The following INPP5E variants were observed in gnomAD, a reference collection of about 807,000 sequenced individuals.
The protein encoded by INPP5E is inositol polyphosphate-5-phosphatase E.
In INPP5E, 34 loss-of-function variants were observed where a neutral mutation model predicts 50.5. The ratio of observed to expected loss-of-function variants is 0.67; its 90% CI spans 0.51 to 0.90. INPP5E has a LOEUF of 0.90. INPP5E is among the 40% of genes least tolerant of loss of function. The pLI, the probability that INPP5E is intolerant of heterozygous loss-of-function variation, is 0.00. For missense variants in INPP5E, 942 were observed against 905.5 expected, an observed-to-expected ratio of 1.04 and a Z score of -0.52; for synonymous variants, 447 against 406.0, an observed-to-expected ratio of 1.10 and a Z score of -1.21.
Position 136,430,377 on chromosome 9 carries a change from T to C in INPP5E, c.1702A>G (p.Ile568Val). 1 of 1,557,214 alleles carries C rather than the reference T, an allele frequency of 6.4e-7. No individual in the cohort carries two copies. Among genetic ancestry groups the C allele is most frequent in the South Asian group, 1.2e-5 (1 of 84,472 alleles). Residue 568 changes from isoleucine to valine, a missense_variant, in exon 9 of 10, where the codon ATC (isoleucine) becomes GTC (valine). By Grantham distance (29) the Ile-to-Val change is conservative. Transcript: ENST00000371712. ...VLYRSRHKGD[I>V]CPVSYSSCPG... ...CAGGAAGAGTAGCTCACAGGACAGA[T>C]GTCACCCTTGTGGCGGCTTCTGTAC...
In INPP5E at chr9:136,433,090, G is replaced by A; in HGVS notation, c.1160-15C>T. 6.2e-7 allele frequency: 1 copy of A among 1,612,730 alleles called. No individual in the cohort carries two copies. The highest frequency in any genetic ancestry group is 8.5e-7 in the Non-Finnish European group (1 of 1,179,964). ...GCACTCCACCTCTGTGGGAGGGGCAGCCCTCAGCTCACCTGTGGGACGCTG... is the reference window on the plus strand; with the variant it reads ...GCACTCCACCTCTGTGGGAGGGGCAACCCTCAGCTCACCTGTGGGACGCTG... On this transcript the variant is annotated splice_polypyrimidine_tract_variant and intron_variant, in intron 4 of 9. Coordinates refer to ENST00000371712, the MANE Select transcript of INPP5E (RefSeq NM_019892.6).
chr9:136,438,102 C>T (rs1308848208), intron 1 of INPP5E: 1 of 178,754 alleles, frequency 5.6e-6, no homozygotes. Flanking sequence ...CGGCGAAACC[C>T]CGCCCCTACT....
At chr9:136,432,334 G>A (rs1433431088) in intron 6 of INPP5E, 145 bp downstream of exon 6, 27 of 700,864 alleles carry the variant, frequency 3.9e-5, no homozygotes, top group Non-Finnish European at 6.7e-5. Context: ...AGAACCGCGA[G>A]GGGCCATGCG....
At chr9:136,432,052 C>G (rs1039491897) in intron 6 of INPP5E, 67 bp from the exon 7 acceptor site, 1 of 1,598,348 alleles carries the variant, frequency 6.3e-7, no homozygotes, top group Non-Finnish European at 8.6e-7. Context: ...TTCCCCAGAA[C>G]ATGGCCTGGG....
At chr9:136,438,408 C>G in intron 1 of INPP5E, 200 bp downstream of exon 1, 1 of 621,304 alleles carries the variant, frequency 1.6e-6, no homozygotes, top group Non-Finnish European at 2.9e-6. Flanking sequence ...ACGAATGGTT[C>G]TGAAACGCAC....
chr9:136,433,256 T>A lies in INPP5E; in HGVS notation c.1058A>T (p.Gln353Leu). Residue 353 changes from glutamine (Q) to leucine (L), a missense_variant, in exon 4 of 10, where the codon CAG (glutamine) becomes CTG (leucine). Coordinates refer to ENST00000371712, the MANE Select transcript of INPP5E (RefSeq NM_019892.6). Reference sequence around the variant, plus strand: ...CACATAGTGCGGGCCCAGCGTCTCCTGCAGACGAGTCTCCCACTCCCGCCT... The same window carrying A: ...CACATAGTGCGGGCCCAGCGTCTCCAGCAGACGAGTCTCCCACTCCCGCCT... ...SDRREWETRLQETLGPHYVLL... is the reference protein window; with the variant it reads ...SDRREWETRLLETLGPHYVLL... The A allele has an allele frequency of 6.3e-7, 1 of 1,587,094 alleles. No individual in the cohort carries two copies. The highest frequency in any genetic ancestry group is 8.5e-7 in the Non-Finnish European group (1 of 1,174,126).
At chr9:136,433,604 G>A (rs1290445642) in intron 3 of INPP5E, among the ~76,000 whole-genome samples, 1 of 152,136 alleles carries the variant, frequency 6.6e-6, no homozygotes, top group South Asian at 2.1e-4. Flanking sequence ...TGTGTGGGCG[G>A]CAGCCACCTG....
At position 136,433,149 on chromosome 9, in the gene INPP5E, G is replaced by T. The variant is rs367840840; in HGVS notation, c.1159+6C>A. ...CAGCCGCGCCCACCCCTCCAGCCGC[G>T]CCCACCTGAGCAGAACCAGATGAGG... On this transcript the variant is annotated splice_donor_region_variant and intron_variant, in intron 4 of 9. Transcript: ENST00000371712. 6.2e-7 allele frequency: 1 copy of T among 1,605,310 alleles called. No homozygotes were observed. Among genetic ancestry groups the T allele is most frequent in the Non-Finnish European group, 8.5e-7 (1 of 1,178,310 alleles).
Position 136,439,323 on chromosome 9 carries a change from C to A in INPP5E, c.97G>T (p.Ala33Ser). Residue 33 changes from alanine (A) to serine (S), a missense_variant, in exon 1 of 10, where the codon GCC (alanine) becomes TCC (serine). Physicochemically the swap from Ala to Ser is moderately conservative, Grantham distance 99. Coordinates refer to ENST00000371712, the MANE Select transcript of INPP5E (RefSeq NM_019892.6). ...LQGQLPGAPPAQRAGSPPDAP... is the reference protein window; with the variant it reads ...LQGQLPGAPPSQRAGSPPDAP... ...TCGGGTGGGGACCCCGCGCGCTGGG[C>A]CGGCGGAGCGCCGGGAAGCTGTCCT... The A allele has an allele frequency of 7.1e-7, 1 of 1,407,120 alleles. No homozygotes were observed. The highest frequency in any genetic ancestry group is 9.2e-7 in the Non-Finnish European group (1 of 1,090,044). 87.2% of individuals were successfully genotyped at this position (1,407,120 alleles called of 1,614,324 possible). A position where few individuals can be genotyped will look rare whatever the true frequency, so the allele number is the denominator to read the frequency against.
Position 136,439,227 on chromosome 9 carries a change from C to T in INPP5E, c.193G>A (p.Ala65Thr), listed in dbSNP as rs993885630. Residue 65 changes from alanine (A) to threonine (T), a missense_variant, in exon 1 of 10, where the codon GCC becomes ACC. Transcript: ENST00000371712. ...CGCGGGGCGATGGGTGCTGCTCGGG[C>T]TGGCGGGTCCTCGCCGCTGGGCGTG... ...PATPSGEDPP[A>T]RAAPIAPRPP... 2.0e-6 allele frequency: 3 copies of T among 1,528,546 alleles called. No homozygotes were observed. The African/African-American group carries it at 4.1e-5, about 21-fold the overall frequency. 94.7% of individuals were successfully genotyped at this position (1,528,546 alleles called of 1,614,324 possible).
chr9:136,434,411 C>T (rs1835784186), intron 2 of INPP5E, among the ~76,000 whole-genome samples: 1 of 152,194 alleles, frequency 6.6e-6, no homozygotes, highest in African/African-American at 2.4e-5. Flanking sequence ...GCCCGTGCTG[C>T]CCACCCTGTC....
Position 136,432,988 on chromosome 9 carries a change from G to C in INPP5E, c.1247C>G (p.Thr416Ser). 1 of 1,613,610 alleles carries C rather than the reference G, an allele frequency of 6.2e-7. No individual in the cohort carries two copies. Among genetic ancestry groups the C allele is most frequent in the Non-Finnish European group, 8.5e-7 (1 of 1,179,910 alleles). The change falls in exon 5 of 10, where the codon ACT becomes AGT. Residue 416 changes from threonine (T) to serine (S), a missense_variant. Thr to Ser is a moderately conservative substitution (Grantham distance 58). Coordinates refer to ENST00000371712, the MANE Select transcript of INPP5E (RefSeq NM_019892.6). ...ALGISFTFFG[T>S]SFLFITSHFT... is the part of the protein sequence containing the mutation. ...GTGGGACGTGATGAAGAGGAAGGAA[G>C]TGCCAAAAAAGGTGAAGCTGATGCC...
chr9:136,429,246 C>A lies in INPP5E; in HGVS notation c.*429G>T. 1 of 316,168 alleles carries A rather than the reference C, an allele frequency of 3.2e-6. No individual in the cohort carries two copies. The highest frequency in any genetic ancestry group is 6.2e-6 in the Non-Finnish European group (1 of 160,480). The allele number at this position is 316,168 out of a possible 1,614,324, so 19.6% of individuals were successfully genotyped here. ...CATGGGGTGGTGTGTGTTTGAGGGG[C>A]TGCCAGGAGGACACAGATGGACGCC... On this transcript the variant is annotated 3_prime_UTR_variant, in exon 10 of 10. Transcript: ENST00000371712.
At chr9:136,430,514 A>G in intron 8 of INPP5E, 101 bp from the exon 9 acceptor site, 1 of 1,412,292 alleles carries the variant, frequency 7.1e-7, no homozygotes, top group Non-Finnish European at 9.7e-7. Context: ...CCCCACAAGG[A>G]AGCCTTCTGG....
At chr9:136,430,950 G>A (rs1054422459) in intron 8 of INPP5E, 52 bp downstream of exon 8, 2 of 1,291,380 alleles carry the variant, frequency 1.5e-6, no homozygotes, top group African/African-American at 1.5e-5. Flanking sequence ...CCCGGCTGTG[G>A]GAGATGCCTG....
At chr9:136,433,107 G>A in intron 4 of INPP5E, 32 bp from the exon 5 acceptor site, 1 of 1,495,750 alleles carries the variant, frequency 6.7e-7, no homozygotes, top group Non-Finnish European at 9.1e-7. Flanking sequence ...GCTCACCTGT[G>A]GGACGCTGCC....
At chr9:136,438,478 G>A (rs1835884885) in intron 1 of INPP5E, 130 bp downstream of exon 1, 2 of 842,736 alleles carry the variant, frequency 2.4e-6, no homozygotes, top group South Asian at 3.0e-5. Flanking sequence ...GGTGGCTGCG[G>A]GAGACCCGCT....
At chr9:136,437,163 GC>G (rs1397385730) in intron 1 of INPP5E, 1 of 152,246 alleles carries the variant, frequency 6.6e-6, no homozygotes, top group Admixed American at 6.5e-5. Flanking sequence ...CCAGGCACGG[GC>G]CCTCACTCCA....
rs566641584 is a variant in INPP5E at position 136,439,119 on chromosome 9, C to G, written c.301G>C (p.Glu101Gln). 5.0e-6 allele frequency: 8 copies of G among 1,584,766 alleles called. No individual in the cohort carries two copies. The African/African-American group carries it at 1.1e-4, about 21-fold the overall frequency. The change falls in exon 1 of 10, where the codon GAG (glutamate) becomes CAG (glutamine). Residue 101 changes from glutamate to glutamine, a missense_variant. Glu to Gln is a conservative substitution (Grantham distance 29). Transcript: ENST00000371712. The part of the protein sequence containing the change: ...WRRRRFRGSQ[E>Q]DLEARNGTSP... ...GTCCCATTCCGGGCTTCCAGGTCCT[C>G]CTGGCTGCCTCGAAAACGCCTCCTC...
Sources: allele counts gnomAD v4.1 joint callset (sites outside exome capture counted in the v4.1 genomes callset), GRCh38; gene constraint gnomAD v4.1.1; transcripts MANE v1.5; gene names NCBI Gene and HGNC (gene_info 2026-07-23, HGNC 2026-07-21).